The following MANSC1 variants were observed in gnomAD, a reference collection of about 807,000 sequenced individuals.
The protein encoded by MANSC1 is MANSC domain containing 1.
Under a neutral mutation model 14.1 loss-of-function variants are expected in MANSC1, and 13 were observed. The ratio of observed to expected loss-of-function variants is 0.92; its 90% CI spans 0.60 to 1.46. The LOEUF (loss-of-function observed/expected upper bound fraction) is 1.46. Among genes scored for constraint, MANSC1 ranks in the 40% most tolerant of loss-of-function variants. The probability of loss-of-function intolerance (pLI) is 0.00; values close to 1 mark genes in which losing one functional copy is unlikely to be tolerated. For missense variants in MANSC1, 486 were observed against 511.4 expected (o/e 0.95, Z 0.48); for synonymous variants, 227 against 200.7 (o/e 1.13, Z -1.11).
chr12:12,343,139 G>T lies in MANSC1; in HGVS notation c.176C>A (p.Thr59Asn). 1 of 1,614,008 alleles carries T rather than the reference G, an allele frequency of 6.2e-7. No homozygotes were observed. Among genetic ancestry groups the T allele is most frequent in the Non-Finnish European group, 8.5e-7 (1 of 1,179,886 alleles). ...GCAAGAATTAATGCAGTCTTCTTGA[G>T]TTGAAGTATATACGGGCTCATTGCC... ...IRGNEPVYTS[T>N]QEDCINSCCS... Residue 59 changes from threonine (T) to asparagine (N), a missense_variant, in exon 2 of 4, where the codon ACT (threonine) becomes AAT (asparagine). Coordinates refer to ENST00000535902, the MANE Select transcript of MANSC1 (RefSeq NM_018050.4).
chr12:12,330,657 A>G lies in MANSC1; in HGVS notation c.666T>C (p.Asn222=). Residue 222 remains asparagine (N), a synonymous_variant, in exon 4 of 4, where the codon AAT becomes AAC. Transcript: ENST00000535902. ...CCACCGTAGCTGGGAGCGCACTCAC[A>G]TTTTCAGGCAGCAGATGAGCTATTT... ...DQEIAHLLPE[N]VSALPATVAV... The G allele has an allele frequency of 6.2e-7, 1 of 1,614,182 alleles. No homozygotes were observed. Among genetic ancestry groups the G allele is most frequent in the Non-Finnish European group, 8.5e-7 (1 of 1,180,030 alleles).
chr12:12,345,943 A>G (rs1338163022), intron 1 of MANSC1, among the ~76,000 whole-genome samples: 2 of 152,220 alleles, frequency 1.3e-5, no homozygotes, highest in Non-Finnish European at 2.9e-5. Flanking sequence ...GAGATATAAC[A>G]TGTTCATGGA....
At chr12:12,342,432 G>C (rs976057508) in intron 2 of MANSC1, among the ~76,000 whole-genome samples, 4 of 152,102 alleles carry the variant, frequency 2.6e-5, no homozygotes, top group Non-Finnish European at 4.4e-5. Context: ...TCTCTTTTCA[G>C]TACAAATACT....
intron 1 of MANSC1, among the ~76,000 whole-genome samples, chr12:12,343,801 C>A (rs1428669381): frequency 2.6e-5 from 4 of 152,226 alleles, no homozygotes; most frequent in Middle Eastern, 6.8e-3. Flanking sequence ...TCAGTAATAA[C>A]AATCAGCATT....
At chr12:12,333,941 T>C (rs999972899) in intron 3 of MANSC1, among the ~76,000 whole-genome samples, 16 of 152,102 alleles carry the variant, frequency 1.1e-4, no homozygotes, top group African/African-American at 3.1e-4. Context: ...TCCGTAAATA[T>C]TAGTCAATGG....
intron 3 of MANSC1, among the ~76,000 whole-genome samples, chr12:12,331,534 G>A (rs1862789692): frequency 6.6e-6 from 1 of 152,210 alleles, no homozygotes; most frequent in African/African-American, 2.4e-5. Flanking sequence ...GGGGGAAGGT[G>A]TGGGCTTCTG....
chr12:12,344,710 G>A (rs1344988930), intron 1 of MANSC1, among the ~76,000 whole-genome samples: 7 of 148,920 alleles, frequency 4.7e-5, no homozygotes, highest in Admixed American at 3.3e-4. Flanking sequence ...ACCATGATCC[G>A]CCTGCCTCGG....
At chr12:12,347,872 A>G (rs1863028778) in intron 1 of MANSC1, among the ~76,000 whole-genome samples, 1 of 151,808 alleles carries the variant, frequency 6.6e-6, no homozygotes, top group Non-Finnish European at 1.5e-5. Flanking sequence ...CAGCCTGACC[A>G]ACATGGTGAA....
At chr12:12,331,746 C>T (rs565278321) in intron 3 of MANSC1, among the ~76,000 whole-genome samples, 23 of 152,054 alleles carry the variant, frequency 1.5e-4, no homozygotes, top group Admixed American at 9.8e-4. Context: ...GTCTGGTCTC[C>T]GCTCTGAGCA....
At chr12:12,344,112 CA>C (rs915061742) in intron 1 of MANSC1, among the ~76,000 whole-genome samples, 1 of 151,122 alleles carries the variant, frequency 6.6e-6, no homozygotes, top group Non-Finnish European at 1.5e-5. Context: ...GACCATGTCT[CA>C]AAAAAAACTT....
chr12:12,332,590 G>C (rs574000284), intron 3 of MANSC1, among the ~76,000 whole-genome samples: 2 of 151,766 alleles, frequency 1.3e-5, no homozygotes, highest in Non-Finnish European at 2.9e-5. Flanking sequence ...GTATGATCTC[G>C]ACTCACTGCA....
chr12:12,330,288 A>G lies in MANSC1; in HGVS notation c.1035T>C (p.Asn345=). Residue 345 remains asparagine (N), a synonymous_variant, in exon 4 of 4, where the codon AAT becomes AAC. Transcript: ENST00000535902. ...TTTTATTCATAGTGGAAGACTCCAC[A>G]TTTGACATAGAAAGTGCAGTAGGGT... ...VYNPTALSMS[N]VESSTMNKTA... 6.2e-7 allele frequency: 1 copy of G among 1,614,224 alleles called. No individual in the cohort carries two copies. Among genetic ancestry groups the G allele is most frequent in the Non-Finnish European group, 8.5e-7 (1 of 1,180,046 alleles).
chr12:12,331,275 G>A (rs1169522353), intron 3 of MANSC1, among the ~76,000 whole-genome samples: 7 of 152,194 alleles, frequency 4.6e-5, no homozygotes, highest in South Asian at 2.1e-4. Flanking sequence ...TGATAACGCC[G>A]CCTCTCTACC....
At chr12:12,344,931 A>G (rs1862988261) in intron 1 of MANSC1, among the ~76,000 whole-genome samples, 1 of 55,240 alleles carries the variant, frequency 1.8e-5, no homozygotes, top group Admixed American at 1.7e-4. Flanking sequence ...ATATATATAT[A>G]TATATATATA....
At chr12:12,331,727 C>T (rs1862792720) in intron 3 of MANSC1, among the ~76,000 whole-genome samples, 1 of 151,996 alleles carries the variant, frequency 6.6e-6, no homozygotes, top group Non-Finnish European at 1.5e-5. Flanking sequence ...GGAGGAGGGG[C>T]CAGGCAGGGT....
chr12:12,337,548 G>A (rs900112551), intron 3 of MANSC1, among the ~76,000 whole-genome samples: 1 of 152,260 alleles, frequency 6.6e-6, no homozygotes, highest in East Asian at 1.9e-4. Context: ...GCAACAGAGT[G>A]AGACTCCATC....
chr12:12,330,666 C>A lies in MANSC1; in HGVS notation c.657G>T (p.Leu219=), dbSNP rs772521152. 1 of 1,614,218 alleles carries A rather than the reference C, an allele frequency of 6.2e-7. No individual in the cohort carries two copies. The highest frequency in any genetic ancestry group is 1.7e-5 in the Admixed American group (1 of 60,026). The change falls in exon 4 of 4, where the codon CTG becomes CTT. Residue 219 remains leucine, a synonymous_variant. Coordinates refer to ENST00000535902, the MANE Select transcript of MANSC1 (RefSeq NM_018050.4). ...CTGGGAGCGCACTCACATTTTCAGG[C>A]AGCAGATGAGCTATTTCTTGATCAG... is the stretch of plus-strand genomic sequence containing the variant. ...FSSDQEIAHL[L]PENVSALPAT...
intron 1 of MANSC1, among the ~76,000 whole-genome samples, chr12:12,349,451 G>A (rs1210689938): frequency 1.3e-5 from 2 of 152,160 alleles, no homozygotes; most frequent in African/African-American, 2.4e-5. Context: ...CATTAAAGAG[G>A]CTCAGCAATA....
At chr12:12,332,162 A>T (rs1335398085) in intron 3 of MANSC1, among the ~76,000 whole-genome samples, 2 of 152,176 alleles carry the variant, frequency 1.3e-5, no homozygotes, top group Non-Finnish European at 2.9e-5. Context: ...TAGGCTAACC[A>T]TCTCACATTA....
Sources: allele counts gnomAD v4.1 joint callset (sites outside exome capture counted in the v4.1 genomes callset), GRCh38; gene constraint gnomAD v4.1.1; transcripts MANE v1.5; gene names NCBI Gene and HGNC (gene_info 2026-07-23, HGNC 2026-07-21).